PLA2G4D: variants seen among roughly 807,000 people sequenced by gnomAD.
PLA2G4D encodes phospholipase A2 group IVD, also known as cytosolic phospholipase A2 delta.
PLA2G4D carries 80 observed loss-of-function variants against 94.4 expected under a neutral mutation model. The observed-to-expected ratio is 0.85, with a 90% CI of 0.71 to 1.02. The LOEUF is 1.02. Among genes scored for constraint, PLA2G4D ranks in the 50% least tolerant of loss-of-function variants. PLA2G4D has a pLI of 0.00. For missense variants in PLA2G4D, 1,050 were observed against 1,034.7 expected (o/e 1.01, Z -0.20); for synonymous variants, 438 against 440.9 (o/e 0.99, Z 0.08).
chr15:42,074,857 G>A (rs1889887618), intron 13 of PLA2G4D, among the ~76,000 whole-genome samples: 1 of 152,110 alleles, frequency 6.6e-6, no homozygotes, highest in South Asian at 2.1e-4. Context: ...AAGAGGTAAG[G>A]TATGATAATC....
Position 42,082,314 on chromosome 15 carries a change from C to T in PLA2G4D, c.748G>A (p.Gly250Arg). The T allele has an allele frequency of 6.2e-7, 1 of 1,614,136 alleles. No homozygotes were observed. Among genetic ancestry groups the T allele is most frequent in the Non-Finnish European group, 8.5e-7 (1 of 1,180,010 alleles). The change falls in exon 9 of 20, where the codon GGG becomes AGG. Residue 250 changes from glycine to arginine, a missense_variant. Gly to Arg is a moderately radical substitution (Grantham distance 125, BLOSUM62 -2). Transcript: ENST00000290472. Reference protein sequence around the residue: ...LTVPLRPLTIGKEVTMDVPAP... With the variant: ...LTVPLRPLTIRKEVTMDVPAP... ...GGAACATCCATAGTCACCTCCTTCC[C>T]AATGGTCAAGGGCCTCAGGGGCACA...
chr15:42,086,050 C>G (rs923585990), intron 4 of PLA2G4D, among the ~76,000 whole-genome samples, 163 bp downstream of exon 4: 2 of 152,208 alleles, frequency 1.3e-5, no homozygotes, highest in African/African-American at 2.4e-5. Context: ...TAAAGTGAAG[C>G]CTTTTCCTTG....
chr15:42,094,014 C>T (rs539869715), intron 1 of PLA2G4D, among the ~76,000 whole-genome samples: 1 of 152,294 alleles, frequency 6.6e-6, no homozygotes, highest in East Asian at 1.9e-4. Context: ...GATTTGGGCC[C>T]CCAGAGCTCT....
rs1291435096 is a variant in PLA2G4D, at chr15:42,067,522, G to A, written c.*1193C>T. On this transcript the variant is annotated 3_prime_UTR_variant, in exon 20 of 20. Transcript: ENST00000290472. Reference sequence around the variant, plus strand: ...ACCATTGAACTTGGCCTGGGTGACAGAGTGTGATGAGATTCTGTCTCAAAA... The same window carrying A: ...ACCATTGAACTTGGCCTGGGTGACAAAGTGTGATGAGATTCTGTCTCAAAA... 2 of 141,234 alleles carry A rather than the reference G, an allele frequency of 1.4e-5. No homozygotes were observed. Among genetic ancestry groups the A allele is most frequent in the African/African-American group, 5.2e-5 (2 of 38,404 alleles). The allele number at this position is 141,234 out of a possible 1,614,324, so 8.7% of individuals were successfully genotyped here.
In PLA2G4D at chr15:42,070,004, TC is replaced by T; in HGVS notation, c.2134del (p.Glu712AsnfsTer60). On this transcript the variant is annotated frameshift_variant, in exon 19 of 20. Coordinates refer to ENST00000290472, the MANE Select transcript of PLA2G4D (RefSeq NM_178034.4). LOFTEE classifies it high-confidence loss of function. ...PSPQDQHQPR[E>X]CHLFSDPACP... ...GGCGGGGTCTGAGAAGAGGTGGCAT[TC>T]CCTTGGCTGGTGCTGGTCCTGAGGG... 1 of 1,494,642 alleles carries T rather than the reference TC, an allele frequency of 6.7e-7. No homozygotes were observed. The highest frequency in any genetic ancestry group is 8.9e-7 in the Non-Finnish European group (1 of 1,125,908). The allele number at this position is 1,494,642 out of a possible 1,614,324, so 92.6% of individuals were successfully genotyped here. A position where few individuals can be genotyped will look rare whatever the true frequency, so the allele number is the denominator to read the frequency against.
chr15:42,086,467 T>C, intron 3 of PLA2G4D, 123 bp from the exon 4 acceptor site: 1 of 888,458 alleles, frequency 1.1e-6, no homozygotes, highest in South Asian at 1.6e-5. Context: ...ACGTCTGCGC[T>C]TCAAAATAAA....
chr15:42,069,160 C>T (rs185812535), intron 19 of PLA2G4D, among the ~76,000 whole-genome samples: 77 of 152,278 alleles, frequency 5.1e-4, no homozygotes, highest in African/African-American at 1.8e-3. Context: ...TGCCTTGTGG[C>T]GTGACACCCC....
intron 13 of PLA2G4D, among the ~76,000 whole-genome samples, chr15:42,073,974 A>C (rs1449938948): frequency 6.6e-6 from 1 of 152,132 alleles, no homozygotes; most frequent in Non-Finnish European, 1.5e-5. Flanking sequence ...ATTTGCAGGA[A>C]ATCTCTAAAT....
chr15:42,071,867 C>A lies in PLA2G4D; in HGVS notation c.1480G>T (p.Gly494Trp), dbSNP rs769798028. The A allele has an allele frequency of 6.2e-7, 1 of 1,614,162 alleles. No homozygotes were observed. Among genetic ancestry groups the A allele is most frequent in the Non-Finnish European group, 8.5e-7 (1 of 1,180,008 alleles). ...SPYEVGFLKY[G>W]AFVPPELFGS... ...AAGAGCTCAGGAGGGACGAAGGCCC[C>A]GTACTTCAGGAAACCGACCTCATAG... is the stretch of plus-strand genomic sequence containing the variant. Residue 494 changes from glycine (G) to tryptophan (W), a missense_variant, in exon 15 of 20, where the codon GGG becomes TGG. Gly to Trp is a radical substitution (Grantham distance 184). Transcript: ENST00000290472.
At chr15:42,077,702 G>A (rs1224055589) in intron 13 of PLA2G4D, among the ~76,000 whole-genome samples, 1 of 152,266 alleles carries the variant, frequency 6.6e-6, no homozygotes, top group Admixed American at 6.5e-5. Context: ...GAATTAAAAT[G>A]TTCTGCCTAT....
chr15:42,093,917 G>T (rs1037924386), intron 1 of PLA2G4D, among the ~76,000 whole-genome samples: 1 of 152,178 alleles, frequency 6.6e-6, no homozygotes, highest in Non-Finnish European at 1.5e-5. Context: ...ACAGAGGGTG[G>T]GGGGGTGGCG....
intron 1 of PLA2G4D, among the ~76,000 whole-genome samples, chr15:42,089,291 T>C (rs548197153): frequency 6.6e-6 from 1 of 152,236 alleles, no homozygotes; most frequent in East Asian, 1.9e-4. Context: ...AGATGCTGCT[T>C]GCTAGGGGCT....
At chr15:42,089,767 C>G (rs78594013) in intron 1 of PLA2G4D, among the ~76,000 whole-genome samples, 18,517 of 152,158 alleles carry the variant, frequency 0.12, 1,331 homozygotes, top group Middle Eastern at 0.18. Flanking sequence ...CCTGCTCCCC[C>G]GGCCAGGCTG....
Position 42,083,732 on chromosome 15 carries a change from G to C in PLA2G4D, c.519C>G (p.Ser173Arg), listed in dbSNP as rs368159021. 1 of 1,613,918 alleles carries C rather than the reference G, an allele frequency of 6.2e-7. No individual in the cohort carries two copies. The highest frequency in any genetic ancestry group is 1.7e-5 in the Admixed American group (1 of 60,010). The change falls in exon 7 of 20, where the codon AGC (serine) becomes AGG (arginine). Residue 173 changes from serine (S) to arginine (R), a missense_variant. Physicochemically the swap from Ser to Arg is moderately radical, Grantham distance 110. Transcript: ENST00000290472. ...TGGTCTCACCTGCAACCACAGCGGT[G>C]CTCCCTGTGCTGTCCAGATGCACAT... Reference protein sequence around the residue: ...CLDVHLDSTGSTAVVADQDKL... With the variant: ...CLDVHLDSTGRTAVVADQDKL...
In PLA2G4D at chr15:42,086,194, T is replaced by TTGGGGGGCC; in HGVS notation, c.387+18_387+19insGGCCCCCCA. 9 of 1,370,442 alleles carry TTGGGGGGCC rather than the reference T, an allele frequency of 6.6e-6. No homozygotes were observed. Among genetic ancestry groups the TTGGGGGGCC allele is most frequent in the Non-Finnish European group, 8.6e-6 (9 of 1,043,082 alleles). The allele number at this position is 1,370,442 out of a possible 1,614,324, so 84.9% of individuals were successfully genotyped here. On this transcript the variant is annotated intron_variant, in intron 4 of 19. Coordinates refer to ENST00000290472, the MANE Select transcript of PLA2G4D (RefSeq NM_178034.4). ...GGAAGAAGTGGGGCCCACGGGGACT[T>TTGGGGGGCC]CCCCACCCACCCACCCACCTGGGGA...
At chr15:42,078,514 G>T (rs1248370447) in intron 13 of PLA2G4D, among the ~76,000 whole-genome samples, 4 of 152,168 alleles carry the variant, frequency 2.6e-5, no homozygotes, top group African/African-American at 9.7e-5. Flanking sequence ...AATATGTATA[G>T]CTAATAACAA....
chr15:42,070,906 C>T (rs1305112958), intron 17 of PLA2G4D, 23 bp from the exon 18 acceptor site: 4 of 1,602,658 alleles, frequency 2.5e-6, no homozygotes, highest in East Asian at 4.5e-5. Flanking sequence ...GCAGGATGGT[C>T]AGAGGCCACC....
Position 42,084,757 on chromosome 15 carries a change from C to T in PLA2G4D, c.471+339G>A, listed in dbSNP as rs1203391385. Among the ~76,000 whole-genome samples the T allele has an allele frequency of 6.6e-6, 1 of 152,196 alleles. No individual in the cohort carries two copies. The highest frequency in any genetic ancestry group is 1.5e-5 in the Non-Finnish European group (1 of 68,034). On this transcript the variant is annotated intron_variant, in intron 6 of 19. Transcript: ENST00000290472. This position sits in a 1 kb window ranked among gnomAD's most constrained non-coding sequence, Gnocchi z 4.8. ...CAACCGGAAGGTGGGCCTGGCCTAC[C>T]TGATTTCTTCACCGCTTCCCAGGGA...
intron 16 of PLA2G4D, 36 bp from the exon 17 acceptor site, chr15:42,071,353 C>A (rs2141092633): frequency 1.3e-6 from 2 of 1,571,150 alleles, no homozygotes; most frequent in South Asian, 1.2e-5. Flanking sequence ...TCCCTTCTTC[C>A]CCTTACTTCT....
Sources: allele counts gnomAD v4.1 joint callset (sites outside exome capture counted in the v4.1 genomes callset), GRCh38; gene constraint gnomAD v4.1.1; non-coding constraint Gnocchi (gnomAD v3.1); transcripts MANE v1.5; gene names NCBI Gene and HGNC (gene_info 2026-07-23, HGNC 2026-07-21).